CLYBL: variants seen among roughly 807,000 people sequenced by gnomAD.
CLYBL encodes citramalyl-CoA lyase, mitochondrial.
A neutral mutation model predicts 38.9 loss-of-function variants in CLYBL; 31 were observed. The observed-to-expected ratio is 0.80, with a 90% CI of 0.60 to 1.08. The LOEUF is 1.08. Ranked by LOEUF, CLYBL falls within the 50% of genes least tolerant of loss-of-function variation. The pLI is 0.00. For missense variants in CLYBL, 434 were observed against 411.6 expected (o/e 1.05, Z -0.47); for synonymous variants, 171 against 158.6 (o/e 1.08, Z -0.59).
intron 2 of CLYBL, among the ~76,000 whole-genome samples, chr13:99,811,938 G>A (rs2050350521): frequency 6.6e-6 from 1 of 152,170 alleles, no homozygotes; most frequent in African/African-American, 2.4e-5. Context: ...ACTAGTCACT[G>A]ATATTTATTT....
intron 1 of CLYBL, among the ~76,000 whole-genome samples, chr13:99,622,914 C>G (rs1394395470): frequency 2.6e-5 from 4 of 152,196 alleles, no homozygotes; most frequent in African/African-American, 9.7e-5. Flanking sequence ...TCACTGTAGC[C>G]TTGGACTCCT....
intron 1 of CLYBL, among the ~76,000 whole-genome samples, chr13:99,681,390 C>G (rs2047732540): frequency 6.6e-6 from 1 of 151,908 alleles, no homozygotes; most frequent in Non-Finnish European, 1.5e-5. Flanking sequence ...CAGGTGCATA[C>G]TATATAAAAA....
intron 7 of CLYBL, among the ~76,000 whole-genome samples, chr13:99,880,946 C>T (rs907135158): frequency 4.6e-5 from 7 of 152,240 alleles, no homozygotes; most frequent in Non-Finnish European, 7.3e-5. Flanking sequence ...GCACGACCCC[C>T]AAACTCAGCA....
At chr13:99,821,358 A>G (rs2050584876) in intron 2 of CLYBL, among the ~76,000 whole-genome samples, 3 of 152,240 alleles carry the variant, frequency 2.0e-5, no homozygotes, top group Non-Finnish European at 4.4e-5. Context: ...CGTGCCTGGC[A>G]TTTAGTTGGT....
At chr13:99,834,474 C>T (rs1041661745) in intron 2 of CLYBL, among the ~76,000 whole-genome samples, 4 of 152,224 alleles carry the variant, frequency 2.6e-5, no homozygotes, top group Non-Finnish European at 5.9e-5. Context: ...ACACTCATTC[C>T]CCCTTCCTGA....
At position 99,772,994 on chromosome 13, in the gene CLYBL, T is replaced by TA; in HGVS notation, c.233_234insA (p.Ala79GlyfsTer7). 4 of 1,608,532 alleles carry TA rather than the reference T, an allele frequency of 2.5e-6. No individual in the cohort carries two copies. Among genetic ancestry groups the TA allele is most frequent in the Non-Finnish European group, 3.4e-6 (4 of 1,178,900 alleles). Reference sequence around the variant, plus strand: ...GCAGTGCTCGACTGTGAGGATGGAGTGGCTGCAAACAAAAAGGTAATGGCA... The same window carrying TA: ...GCAGTGCTCGACTGTGAGGATGGAGTAGGCTGCAAACAAAAAGGTAATGGCA... On this transcript the variant is annotated frameshift_variant, in exon 2 of 9. Transcript: ENST00000339105. LOFTEE classifies it high-confidence loss of function.
At chr13:99,646,510 CTT>C (rs140419884) in intron 1 of CLYBL, among the ~76,000 whole-genome samples, 1,614 of 109,210 alleles carry the variant, frequency 0.015, 21 homozygotes, top group African/African-American at 0.055. Flanking sequence ...TTACAGAAAT[CTT>C]TTTTTTTTTT....
rs112679505 is a variant in CLYBL at position 99,903,623 on chromosome 13, A to G, written c.*25-1647A>G. The stretch of plus-strand genomic sequence containing the variant: ...ATTTGTTTTGGATAACTGGCTTAAA[A>G]CTCACTTAGGAATATAAAAATGTGA... On this transcript the variant is annotated intron_variant and NMD_transcript_variant, in intron 8 of 9. Transcript: ENST00000689673. Among the ~76,000 whole-genome samples, 1,251 of 152,194 alleles carry G rather than the reference A, an allele frequency of 8.2e-3. 19 individuals are homozygous for G. The highest frequency in any genetic ancestry group is 0.028 in the African/African-American group (1,153 of 41,500).
chr13:99,711,875 C>A (rs934572215), intron 1 of CLYBL, among the ~76,000 whole-genome samples: 4 of 151,780 alleles, frequency 2.6e-5, no homozygotes, highest in Non-Finnish European at 5.9e-5. Context: ...ACCATCACGC[C>A]CGGCTAATTT....
chr13:99,781,596 C>T (rs1315570726), intron 2 of CLYBL, among the ~76,000 whole-genome samples: 1 of 152,214 alleles, frequency 6.6e-6, no homozygotes, highest in Admixed American at 6.5e-5. Flanking sequence ...TTGCCTCAGC[C>T]TCCTGGGTAG....
At chr13:99,606,846 C>T in intron 1 of CLYBL, 89 bp downstream of exon 1, 5 of 1,292,250 alleles carry the variant, frequency 3.9e-6, no homozygotes, top group Non-Finnish European at 4.9e-6. Context: ...GCGCGGCCTC[C>T]CCAAGCCCTC....
chr13:99,890,049 G>A (rs2052448528), intron 7 of CLYBL, among the ~76,000 whole-genome samples: 1 of 152,374 alleles, frequency 6.6e-6, no homozygotes, highest in Admixed American at 6.5e-5. Flanking sequence ...GCAAAAGGAA[G>A]TGATGAAAAG....
At chr13:99,903,408 TCACA>T (rs749380999) in intron 8 of CLYBL, among the ~76,000 whole-genome samples, 3 of 150,328 alleles carry the variant, frequency 2.0e-5, no homozygotes, top group Non-Finnish European at 4.4e-5. Context: ...ACACATACAC[TCACA>T]CACTCGCACA....
chr13:99,834,379 G>C (rs1025784489), intron 2 of CLYBL, among the ~76,000 whole-genome samples: 1 of 152,170 alleles, frequency 6.6e-6, no homozygotes, highest in Non-Finnish European at 1.5e-5. Context: ...ACTCAGTCCT[G>C]ACTCATATAG....
chr13:99,700,490 G>T (rs2048048693), intron 1 of CLYBL, among the ~76,000 whole-genome samples: 1 of 152,102 alleles, frequency 6.6e-6, no homozygotes, highest in Non-Finnish European at 1.5e-5. Context: ...GGCGCTAAAT[G>T]GCTACTTGTA....
chr13:99,827,257 C>T lies in CLYBL; in HGVS notation c.250-31604C>T, dbSNP rs575141589. Among the ~76,000 whole-genome samples the T allele has an allele frequency of 7.9e-5, 12 of 152,242 alleles. No individual in the cohort carries two copies. In the South Asian group the frequency reaches 2.3e-3, roughly 29 times the overall value. On this transcript the variant is annotated intron_variant, in intron 2 of 8. Coordinates refer to ENST00000339105, the MANE Select transcript of CLYBL (RefSeq NM_206808.5). ...GTGACTGTGTTCCGTATACACATAT[C>T]GATTCCCCTCTCTAATTCCCAGAGC...
intron 2 of CLYBL, among the ~76,000 whole-genome samples, chr13:99,788,180 G>A (rs544461629): frequency 1.3e-5 from 2 of 151,798 alleles, no homozygotes; most frequent in East Asian, 1.9e-4. Flanking sequence ...TCCTAATTGA[G>A]TACCCTTTAT....
At chr13:99,704,074 G>A (rs2048110364) in intron 1 of CLYBL, among the ~76,000 whole-genome samples, 1 of 152,160 alleles carries the variant, frequency 6.6e-6, no homozygotes, top group Admixed American at 6.5e-5. Flanking sequence ...AGTTGCTTAT[G>A]TAAAGACTCA....
chr13:99,750,471 C>T (rs2048934213), intron 1 of CLYBL, among the ~76,000 whole-genome samples: 1 of 151,958 alleles, frequency 6.6e-6, no homozygotes, highest in Non-Finnish European at 1.5e-5. Flanking sequence ...GTCAGGGGTT[C>T]GAGACCAGCC....
Sources: gnomAD v4.1 joint callset for allele counts (sites outside exome capture counted in the v4.1 genomes callset) on GRCh38, gnomAD v4.1.1 for gene constraint, MANE v1.5 for transcripts, NCBI Gene and HGNC (gene_info 2026-07-23, HGNC 2026-07-21) for gene names.